SPATA16: variants seen among roughly 807,000 people sequenced by gnomAD.
The protein encoded by SPATA16 is spermatogenesis-associated protein 16.
In SPATA16, 36 loss-of-function variants were observed where a neutral mutation model predicts 63.3. The ratio of observed to expected loss-of-function variants is 0.57; its 90% CI spans 0.44 to 0.75. The LOEUF is 0.75. SPATA16 is among the 30% of genes least tolerant of loss of function. SPATA16 has a pLI of 0.00. For missense variants in SPATA16, 646 were observed against 679.3 expected, an observed-to-expected ratio of 0.95 and a Z score of 0.54; for synonymous variants, 203 against 216.7, an observed-to-expected ratio of 0.94 and a Z score of 0.56.
intron 3 of SPATA16, among the ~76,000 whole-genome samples, chr3:173,020,736 C>A (rs1311968788): frequency 6.6e-6 from 1 of 152,174 alleles, no homozygotes; most frequent in Non-Finnish European, 1.5e-5. Context: ...TGCCCTATCA[C>A]CAAATGGGGA....
chr3:173,088,354 A>G (rs1451809499), intron 2 of SPATA16, among the ~76,000 whole-genome samples: 2 of 151,956 alleles, frequency 1.3e-5, no homozygotes, highest in Admixed American at 1.3e-4. Context: ...AAGTGCTGGG[A>G]TTACAGGTGT....
intron 2 of SPATA16, among the ~76,000 whole-genome samples, chr3:173,102,401 C>T (rs1737517438): frequency 6.6e-6 from 1 of 152,186 alleles, no homozygotes; most frequent in Admixed American, 6.5e-5. Flanking sequence ...GTTCTACAGG[C>T]TTTACAGGGA....
chr3:172,985,706 G>A (rs1734437459), intron 4 of SPATA16, among the ~76,000 whole-genome samples: 2 of 152,138 alleles, frequency 1.3e-5, no homozygotes. Context: ...AGAAAAGGTA[G>A]CAGGTTTTTT....
intron 3 of SPATA16, among the ~76,000 whole-genome samples, chr3:173,020,709 T>A (rs1007313907): frequency 3.9e-5 from 6 of 152,206 alleles, no homozygotes; most frequent in African/African-American, 1.4e-4. Context: ...CAGGGTCAAC[T>A]AGCTGGATGC....
In SPATA16 at chr3:172,998,807, C is replaced by T. The variant is rs530260447; in HGVS notation, c.848+20679G>A. On this transcript the variant is annotated intron_variant, in intron 4 of 10. Transcript: ENST00000351008. ...CTCTGAATTTGTTGCTATGATTATG[C>T]GATTCTTCTTCTTTAGCCTGTTGAT... is the stretch of plus-strand genomic sequence containing the variant. Among the ~76,000 whole-genome samples, 5 of 152,118 alleles carry T rather than the reference C, an allele frequency of 3.3e-5. No individual in the cohort carries two copies. The East Asian group carries it at 5.8e-4, about 18-fold the overall frequency.
intron 6 of SPATA16, among the ~76,000 whole-genome samples, chr3:172,929,279 AT>A (rs1470610235): frequency 6.6e-6 from 1 of 152,232 alleles, no homozygotes; most frequent in Non-Finnish European, 1.5e-5. Context: ...AATTTTTACC[AT>A]TAGCAAAGTG....
chr3:173,043,675 G>C (rs893451241), intron 3 of SPATA16, among the ~76,000 whole-genome samples: 2 of 150,942 alleles, frequency 1.3e-5, no homozygotes, highest in Non-Finnish European at 3.0e-5. Flanking sequence ...ATCACCTCTG[G>C]TACTCTTCTT....
At chr3:173,125,854 A>G (rs1027405365) in intron 1 of SPATA16, among the ~76,000 whole-genome samples, 5 of 152,238 alleles carry the variant, frequency 3.3e-5, no homozygotes, top group South Asian at 2.1e-4. Context: ...AACACAGTAA[A>G]TATTTGTTGA....
At chr3:172,922,293 C>T (rs1386630737) in intron 8 of SPATA16, among the ~76,000 whole-genome samples, 1 of 152,142 alleles carries the variant, frequency 6.6e-6, no homozygotes, top group African/African-American at 2.4e-5. Flanking sequence ...CCCTTAAAAG[C>T]AAACATAGGA....
At chr3:173,060,660 G>A (rs1256250923) in intron 2 of SPATA16, among the ~76,000 whole-genome samples, 1 of 152,098 alleles carries the variant, frequency 6.6e-6, no homozygotes, top group Admixed American at 6.6e-5. Context: ...TATTTTACAG[G>A]TATAAAACTC....
At chr3:173,016,444 T>C (rs1343320196) in intron 4 of SPATA16, among the ~76,000 whole-genome samples, 4 of 152,178 alleles carry the variant, frequency 2.6e-5, no homozygotes, top group Admixed American at 6.5e-5. Context: ...CCTAAGACAT[T>C]CTAATTTCCA....
intron 1 of SPATA16, among the ~76,000 whole-genome samples, chr3:173,134,281 G>A (rs1415791766): frequency 6.6e-6 from 1 of 152,134 alleles, no homozygotes; most frequent in African/African-American, 2.4e-5. Flanking sequence ...TCACCTTGAT[G>A]CAGCAGTGTG....
chr3:172,986,443 T>C (rs1420734953), intron 4 of SPATA16, among the ~76,000 whole-genome samples: 1 of 152,084 alleles, frequency 6.6e-6, no homozygotes, highest in African/African-American at 2.4e-5. Flanking sequence ...TAACAATAAG[T>C]AAAGTGGATA....
At chr3:173,039,886 G>T (rs1735797928) in intron 3 of SPATA16, among the ~76,000 whole-genome samples, 1 of 152,084 alleles carries the variant, frequency 6.6e-6, no homozygotes, top group Non-Finnish European at 1.5e-5. Context: ...CATTTAAAAG[G>T]TGGTGAGTGT....
chr3:173,003,488 C>T (rs546455545), intron 4 of SPATA16, among the ~76,000 whole-genome samples: 50 of 152,306 alleles, frequency 3.3e-4, no homozygotes, highest in African/African-American at 1.2e-3. Flanking sequence ...TGCTTATCGG[C>T]AGTGTAATCT....
chr3:172,894,403 G>C (rs1353539128), intron 10 of SPATA16, among the ~76,000 whole-genome samples: 1 of 149,408 alleles, frequency 6.7e-6, no homozygotes, highest in Non-Finnish European at 1.5e-5. Flanking sequence ...TTTTCATTTA[G>C]TGAATTTGGT....
chr3:172,940,376 G>C (rs1486122113), intron 6 of SPATA16, among the ~76,000 whole-genome samples: 1 of 152,142 alleles, frequency 6.6e-6, no homozygotes, highest in Non-Finnish European at 1.5e-5. Context: ...TGAATCTTTG[G>C]ACATCCAGTT....
chr3:173,019,725 A>G, intron 3 of SPATA16, 150 bp from the exon 4 acceptor site: 1 of 700,576 alleles, frequency 1.4e-6, no homozygotes, highest in East Asian at 2.8e-5. Flanking sequence ...GCCCCCCGTA[A>G]TTGGCAATTA....
chr3:172,974,227 TAAG>T (rs889806065), intron 5 of SPATA16, among the ~76,000 whole-genome samples: 7 of 152,256 alleles, frequency 4.6e-5, no homozygotes, highest in Admixed American at 2.6e-4. Context: ...CATTTCCTGT[TAAG>T]AAGAATAACC....
Sources: allele counts gnomAD v4.1 joint callset (sites outside exome capture counted in the v4.1 genomes callset), GRCh38; gene constraint gnomAD v4.1.1; transcripts MANE v1.5; gene names NCBI Gene and HGNC (gene_info 2026-07-23, HGNC 2026-07-21).